The following SCFD2 variants were observed in gnomAD, a reference collection of about 807,000 sequenced individuals.
The protein encoded by SCFD2 is sec1 family domain-containing protein 2.
A neutral mutation model predicts 58.9 loss-of-function variants in SCFD2; 54 were observed. That is an observed-to-expected ratio of 0.92 (90% CI 0.74 to 1.15). The LOEUF is 1.15. Among genes scored for constraint, SCFD2 ranks in the 50% most tolerant of loss-of-function variants. The pLI is 0.00. For synonymous variants in SCFD2, 321 were observed against 335.9 expected (o/e 0.96, Z 0.49); for missense variants, 805 against 836.6 (o/e 0.96, Z 0.47).
chr4:52,939,810 C>T (rs761973760), intron 5 of SCFD2, among the ~76,000 whole-genome samples: 3 of 152,000 alleles, frequency 2.0e-5, no homozygotes, highest in African/African-American at 4.8e-5. Context: ...GCACCATGAA[C>T]GTCATCATCT....
At chr4:53,190,507 C>G (rs542476622) in intron 4 of SCFD2, among the ~76,000 whole-genome samples, 1 of 152,158 alleles carries the variant, frequency 6.6e-6, no homozygotes, top group East Asian at 1.9e-4. Context: ...CTTAGTGAGG[C>G]CTTCTTGACC....
chr4:53,278,848 G>A, intron 3 of SCFD2, among the ~76,000 whole-genome samples: 1 of 146,068 alleles, frequency 6.8e-6, no homozygotes, highest in African/African-American at 2.5e-5. Context: ...GAGGCTAACT[G>A]GAATTTAAGT....
At chr4:52,874,343 AG>A (rs1443780662) in intron 8 of SCFD2, among the ~76,000 whole-genome samples, 1 of 152,196 alleles carries the variant, frequency 6.6e-6, no homozygotes, top group Non-Finnish European at 1.5e-5. Flanking sequence ...GACTGGCACT[AG>A]GTACATTTGA....
At chr4:53,176,842 G>A (rs147008936) in intron 4 of SCFD2, among the ~76,000 whole-genome samples, 23 of 151,556 alleles carry the variant, frequency 1.5e-4, no homozygotes, top group African/African-American at 5.3e-4. Context: ...CCAGCTATTC[G>A]GTATGCTGAG....
At chr4:53,206,752 G>T (rs1577840023) in intron 4 of SCFD2, among the ~76,000 whole-genome samples, 1 of 152,084 alleles carries the variant, frequency 6.6e-6, no homozygotes, top group East Asian at 1.9e-4. Context: ...ACTTTGCATG[G>T]CCTCAATTCT....
At chr4:53,066,187 C>A (rs559054599) in intron 5 of SCFD2, among the ~76,000 whole-genome samples, 1 of 152,210 alleles carries the variant, frequency 6.6e-6, no homozygotes, top group African/African-American at 2.4e-5. Context: ...TGACAAAACT[C>A]TTTACCTTAT....
intron 4 of SCFD2, among the ~76,000 whole-genome samples, chr4:53,230,336 G>C (rs927088263): frequency 6.6e-6 from 1 of 152,022 alleles, no homozygotes; most frequent in African/African-American, 2.4e-5. Flanking sequence ...TGTTTATTGC[G>C]GCACTATTCA....
intron 4 of SCFD2, among the ~76,000 whole-genome samples, chr4:53,190,938 G>A (rs1177021683): frequency 2.0e-5 from 3 of 152,082 alleles, no homozygotes; most frequent in Non-Finnish European, 2.9e-5. Flanking sequence ...TATTACAGAA[G>A]TTAAGACATA....
chr4:53,207,975 CCATA>C lies in SCFD2; in HGVS notation c.1312-62397_1312-62394del, dbSNP rs1728489549. On this transcript the variant is annotated intron_variant, in intron 4 of 8. Coordinates refer to ENST00000401642, the MANE Select transcript of SCFD2 (RefSeq NM_152540.4). ...TTTTCTTTTCTTTTTTTTTTTCCCC[CCATA>C]CAAAGTCTAGCTCTATCACTAGGCT... 2.0e-5 allele frequency among the ~76,000 whole-genome samples: 3 copies of C among 150,366 alleles called. No homozygotes were observed. In the South Asian group the frequency reaches 6.3e-4, roughly 32 times the overall value.
At chr4:52,963,667 T>C (rs998045328) in intron 5 of SCFD2, among the ~76,000 whole-genome samples, 1 of 152,186 alleles carries the variant, frequency 6.6e-6, no homozygotes, top group African/African-American at 2.4e-5. Context: ...CTAGCCATGA[T>C]TATTTATTTT....
chr4:52,895,791 G>A (rs974732950), intron 7 of SCFD2, among the ~76,000 whole-genome samples: 1 of 152,184 alleles, frequency 6.6e-6, no homozygotes, highest in Admixed American at 6.5e-5. Flanking sequence ...GTGTAAAAGT[G>A]TTCCTATTTC....
At chr4:53,237,343 T>C (rs1214846721) in intron 4 of SCFD2, among the ~76,000 whole-genome samples, 1 of 151,830 alleles carries the variant, frequency 6.6e-6, no homozygotes, top group Non-Finnish European at 1.5e-5. Flanking sequence ...CCGTTCTCAA[T>C]GAGCTGTTGG....
intron 7 of SCFD2, among the ~76,000 whole-genome samples, chr4:52,900,615 C>G (rs531752209): frequency 2.6e-5 from 4 of 152,218 alleles, no homozygotes; most frequent in African/African-American, 9.6e-5. Flanking sequence ...GGCATTCTGC[C>G]GGTTCTCAGA....
chr4:53,039,814 T>C (rs1309079172), intron 5 of SCFD2, among the ~76,000 whole-genome samples: 1 of 152,150 alleles, frequency 6.6e-6, no homozygotes, highest in East Asian at 1.9e-4. Context: ...CGTAAGACCA[T>C]GTTGTTGTTA....
chr4:53,087,309 GC>G (rs1560329607), intron 5 of SCFD2, among the ~76,000 whole-genome samples: 1 of 152,094 alleles, frequency 6.6e-6, no homozygotes, highest in Non-Finnish European at 1.5e-5. Flanking sequence ...GAACTTGTGG[GC>G]AAATAAATTG....
chr4:52,903,890 T>G (rs181894009), intron 7 of SCFD2, among the ~76,000 whole-genome samples: 1 of 152,262 alleles, frequency 6.6e-6, no homozygotes, highest in East Asian at 1.9e-4. Flanking sequence ...AAAACATTAG[T>G]CTGGAGAAAG....
rs193225454 is a variant in SCFD2, at chr4:52,968,899, T to C, written c.1562-48029A>G. On this transcript the variant is annotated intron_variant, in intron 5 of 8. Transcript: ENST00000401642. ...CTTGGCCAAACGCCAGTTAGGCTTC[T>C]GAATCCTCTGCTAGGCCCATATGTT... Among the ~76,000 whole-genome samples the C allele has an allele frequency of 7.9e-4, 120 of 152,356 alleles. 3 individuals are homozygous for C. The highest frequency in any genetic ancestry group is 7.7e-3 in the Admixed American group (118 of 15,306).
At chr4:53,338,723 G>A (rs1295850942) in intron 2 of SCFD2, among the ~76,000 whole-genome samples, 16 of 150,896 alleles carry the variant, frequency 1.1e-4, no homozygotes, top group Non-Finnish European at 2.2e-4. Flanking sequence ...TGGGACCACA[G>A]GCACCCGCCA....
intron 5 of SCFD2, among the ~76,000 whole-genome samples, chr4:53,005,470 G>A (rs1721953355): frequency 6.6e-6 from 1 of 152,144 alleles, no homozygotes; most frequent in East Asian, 1.9e-4. Flanking sequence ...TTTTCATAAG[G>A]AGAAGTTTGT....
Sources: gnomAD v4.1 joint callset for allele counts (sites outside exome capture counted in the v4.1 genomes callset) on GRCh38, gnomAD v4.1.1 for gene constraint, MANE v1.5 for transcripts, NCBI Gene and HGNC (gene_info 2026-07-23, HGNC 2026-07-21) for gene names.